The following UBXN7 variants were observed in gnomAD, a reference collection of about 807,000 sequenced individuals.
The protein encoded by UBXN7 is UBX domain protein 7.
In UBXN7, 9 loss-of-function variants were observed where a neutral mutation model predicts 58.0. The ratio of observed to expected loss-of-function variants is 0.16; its 90% CI spans 0.09 to 0.27. The LOEUF is 0.27. Ranked by LOEUF, UBXN7 falls within the 10% of genes least tolerant of loss-of-function variation. UBXN7 has a pLI of 1.00. For synonymous variants in UBXN7, 208 were observed against 205.0 expected, an observed-to-expected ratio of 1.01 and a Z score of -0.12; for missense variants, 328 against 599.6, an observed-to-expected ratio of 0.55 and a Z score of 4.73.
At chr3:196,402,693 T>A (rs1028062701) in intron 3 of UBXN7, among the ~76,000 whole-genome samples, 4 of 152,200 alleles carry the variant, frequency 2.6e-5, no homozygotes, top group Admixed American at 2.6e-4. Flanking sequence ...AATCTTTTCA[T>A]TATTCATTCC....
intron 5 of UBXN7, among the ~76,000 whole-genome samples, chr3:196,374,624 C>T (rs1728938316): frequency 6.7e-6 from 1 of 150,314 alleles, no homozygotes; most frequent in Admixed American, 6.6e-5. Context: ...CTCACACCTG[C>T]AATCCCAGCA....
chr3:196,372,123 G>GTCTT, intron 5 of UBXN7, 81 bp from the exon 6 acceptor site: 2 of 1,453,794 alleles, frequency 1.4e-6, no homozygotes, highest in Non-Finnish European at 1.8e-6. Context: ...AGAGGTTGTT[G>GTCTT]TCTTTCATTA....
intron 1 of UBXN7, chr3:196,431,258 G>A (rs2108630649): frequency 6.6e-6 from 1 of 152,194 alleles, no homozygotes; most frequent in East Asian, 1.9e-4. Flanking sequence ...CTTCCAAAAC[G>A]ACAAACTAGA....
intron 1 of UBXN7, among the ~76,000 whole-genome samples, chr3:196,407,744 G>C (rs1730206070): frequency 6.6e-6 from 1 of 152,070 alleles, no homozygotes; most frequent in African/African-American, 2.4e-5. Flanking sequence ...CTACATTCTA[G>C]AAAGTTAGAA....
At chr3:196,425,387 A>G (rs1730816903) in intron 1 of UBXN7, among the ~76,000 whole-genome samples, 1 of 152,102 alleles carries the variant, frequency 6.6e-6, no homozygotes, top group African/African-American at 2.4e-5. Flanking sequence ...TTCTTTAAAA[A>G]AAAAAAAAAG....
intron 10 of UBXN7, among the ~76,000 whole-genome samples, chr3:196,361,536 C>A (rs929950101): frequency 6.6e-6 from 1 of 152,184 alleles, no homozygotes; most frequent in Non-Finnish European, 1.5e-5. Flanking sequence ...GATGCAGCAA[C>A]TTCACTGCTG....
chr3:196,360,950 T>G (rs1384829103), intron 10 of UBXN7, among the ~76,000 whole-genome samples: 1 of 152,114 alleles, frequency 6.6e-6, no homozygotes, highest in Admixed American at 6.5e-5. Flanking sequence ...AAGGTTACAG[T>G]GAGCTATGAC....
chr3:196,404,173 T>C (rs1730083121), intron 2 of UBXN7, among the ~76,000 whole-genome samples: 1 of 151,940 alleles, frequency 6.6e-6, no homozygotes, highest in South Asian at 2.1e-4. Flanking sequence ...TCACAGCAAA[T>C]AGTAACTTCC....
At chr3:196,403,199 C>T (rs1479493578) in intron 2 of UBXN7, among the ~76,000 whole-genome samples, 180 bp from the exon 3 acceptor site, 3 of 152,150 alleles carry the variant, frequency 2.0e-5, no homozygotes, top group Admixed American at 2.0e-4. Context: ...ACTCTGTCGT[C>T]CAGGCTGGAG....
intron 1 of UBXN7, among the ~76,000 whole-genome samples, chr3:196,419,561 C>T (rs1011831506): frequency 3.3e-5 from 5 of 152,164 alleles, no homozygotes; most frequent in African/African-American, 4.8e-5. Flanking sequence ...TTGTTCTTAG[C>T]GTATCACTTA....
At chr3:196,402,814 T>C in intron 3 of UBXN7, 138 bp downstream of exon 3, 2 of 967,210 alleles carry the variant, frequency 2.1e-6, no homozygotes, top group East Asian at 5.6e-5. Flanking sequence ...TGCAACTTTC[T>C]TGACAGGACT....
intron 1 of UBXN7, among the ~76,000 whole-genome samples, chr3:196,418,357 TG>T (rs1206907221): frequency 6.6e-6 from 1 of 152,126 alleles, no homozygotes; most frequent in Non-Finnish European, 1.5e-5. Context: ...GTAAATGACA[TG>T]GAAGTATAAA....
In UBXN7 at chr3:196,351,907, G is replaced by T. The variant is rs1364469345; in HGVS notation, c.*4778C>A. 1 of 152,132 alleles carries T rather than the reference G, an allele frequency of 6.6e-6. No individual in the cohort carries two copies. Among genetic ancestry groups the T allele is most frequent in the Non-Finnish European group, 1.5e-5 (1 of 68,030 alleles). 9.4% of individuals were successfully genotyped at this position (152,132 alleles called of 1,614,324 possible). A position where few individuals can be genotyped will look rare whatever the true frequency, so the allele number is the denominator to read the frequency against. On this transcript the variant is annotated 3_prime_UTR_variant, in exon 11 of 11. Coordinates refer to ENST00000296328, the MANE Select transcript of UBXN7 (RefSeq NM_015562.2). ...TGCAAGTAAGATTCCTGCGAGCTAG[G>T]AATCTTTACTCCGGGGGATCAATAG...
intron 1 of UBXN7, among the ~76,000 whole-genome samples, chr3:196,415,917 G>A (rs971772978): frequency 6.6e-6 from 1 of 152,134 alleles, no homozygotes; most frequent in Admixed American, 6.6e-5. Context: ...TAACATCTGC[G>A]TCCCAATGAA....
intron 5 of UBXN7, among the ~76,000 whole-genome samples, chr3:196,385,104 C>T (rs1326065970): frequency 6.6e-6 from 1 of 152,230 alleles, no homozygotes; most frequent in African/African-American, 2.4e-5. Flanking sequence ...ACCTCCCTGC[C>T]TGATTCTCCT....
chr3:196,417,115 C>G (rs547044638), intron 1 of UBXN7, among the ~76,000 whole-genome samples: 1 of 152,082 alleles, frequency 6.6e-6, no homozygotes, highest in Non-Finnish European at 1.5e-5. Context: ...AGATCGAGAC[C>G]ATCCTGGCTA....
At chr3:196,377,344 C>T (rs975583830) in intron 5 of UBXN7, among the ~76,000 whole-genome samples, 1 of 152,196 alleles carries the variant, frequency 6.6e-6, no homozygotes, top group Non-Finnish European at 1.5e-5. Flanking sequence ...TATGCTCACA[C>T]TGTATTTTCC....
chr3:196,427,156 T>A (rs895586305), intron 1 of UBXN7, among the ~76,000 whole-genome samples: 14 of 152,178 alleles, frequency 9.2e-5, no homozygotes, highest in Admixed American at 4.6e-4. Flanking sequence ...TCACCTTCAC[T>A]CCATGAATTA....
chr3:196,362,308 C>A lies in UBXN7; in HGVS notation c.1214G>T (p.Gly405Val), dbSNP rs1295946290. Residue 405 changes from glycine (G) to valine (V), a missense_variant, in exon 9 of 11, where the codon GGG (glycine) becomes GTG (valine). By Grantham distance (109) the Gly-to-Val change is moderately radical. Around this residue, in one of 4 missense-constraint regions of UBXN7, gnomAD observed 66 missense variants for 77.9 expected, o/e 0.85. Transcript: ENST00000296328. The stretch of plus-strand genomic sequence containing the variant: ...ATGTAACTTACCATTTACATCTATC[C>A]CCTCCACTACTCCATCTGCTTTTTC... ...PPEKADGVVE[G>V]IDVNGPKAQL... is the part of the protein sequence containing the mutation. 6.2e-7 allele frequency: 1 copy of A among 1,604,684 alleles called. No homozygotes were observed. The highest frequency in any genetic ancestry group is 1.1e-5 in the South Asian group (1 of 89,164).
Sources: allele counts gnomAD v4.1 joint callset (sites outside exome capture counted in the v4.1 genomes callset), GRCh38; gene constraint gnomAD v4.1.1; regional missense constraint gnomAD v4.1.1; transcripts MANE v1.5; gene names NCBI Gene and HGNC (gene_info 2026-07-23, HGNC 2026-07-21).